PHF12: variants seen among roughly 807,000 people sequenced by gnomAD.
PHF12 encodes PHD factor 1.
In PHF12, 6 loss-of-function variants were observed where a neutral mutation model predicts 99.8. The ratio of observed to expected loss-of-function variants is 0.06; its 90% CI spans 0.03 to 0.12. PHF12 has a LOEUF of 0.12. Ranked by LOEUF, PHF12 falls within the 10% of genes least tolerant of loss-of-function variation. The pLI is 1.00. For missense variants in PHF12, 954 were observed against 1,300.1 expected, an observed-to-expected ratio of 0.73 and a Z score of 4.09; for synonymous variants, 480 against 514.9, an observed-to-expected ratio of 0.93 and a Z score of 0.92.
intron 10 of PHF12, 72 bp from the exon 11 acceptor site, chr17:28,910,441 A>G: frequency 6.7e-7 from 1 of 1,500,906 alleles, no homozygotes; most frequent in Non-Finnish European, 9.0e-7. Flanking sequence ...TCAGGGTCAC[A>G]GAGCAAATAG....
At chr17:28,914,080 C>T (rs1178804725) in intron 7 of PHF12, 43 bp from the exon 8 acceptor site, 1 of 1,549,080 alleles carries the variant, frequency 6.5e-7, no homozygotes, top group Non-Finnish European at 8.8e-7. Flanking sequence ...GGAGATAGTT[C>T]CAACATGTCT....
At chr17:28,913,322 G>C (rs1259655970) in intron 8 of PHF12, 45 bp from the exon 9 acceptor site, 8 of 1,557,632 alleles carry the variant, frequency 5.1e-6, no homozygotes, top group Non-Finnish European at 6.9e-6. Context: ...CCTGAGAGGC[G>C]CCGGTCCTTC....
chr17:28,948,169 C>T (rs2040749877), intron 2 of PHF12, among the ~76,000 whole-genome samples: 1 of 152,222 alleles, frequency 6.6e-6, no homozygotes, highest in South Asian at 2.1e-4. Context: ...CAAATTCTCA[C>T]TCAACATGCA....
chr17:28,939,725 T>C (rs1367743020), intron 2 of PHF12, among the ~76,000 whole-genome samples: 1 of 152,190 alleles, frequency 6.6e-6, no homozygotes, highest in Admixed American at 6.5e-5. Flanking sequence ...AGAAAAATAA[T>C]ATTCAACATC....
chr17:28,921,365 C>G (rs941272918), intron 5 of PHF12, among the ~76,000 whole-genome samples: 1 of 152,130 alleles, frequency 6.6e-6, no homozygotes, highest in Non-Finnish European at 1.5e-5. Flanking sequence ...CAAGGTTTCA[C>G]TGTGTTGCCC....
In PHF12 at chr17:28,950,729, G is replaced by A. The variant is rs2040795123; in HGVS notation, c.66+166C>T. On this transcript the variant is annotated intron_variant, in intron 1 of 14. Coordinates refer to ENST00000332830, the MANE Select transcript of PHF12 (RefSeq NM_001033561.2). This position sits in a 1 kb window ranked among gnomAD's most constrained non-coding sequence, Gnocchi z 5.7. The stretch of plus-strand genomic sequence containing the variant: ...ACTGCTGCAAACGTCCTCGGAGGCT[G>A]AGCTCAGCCCCCTAAATTGCAAAGA... The A allele has an allele frequency of 9.9e-7, 1 of 1,005,114 alleles. No homozygotes were observed. 62.3% of individuals were successfully genotyped at this position (1,005,114 alleles called of 1,614,324 possible). A position where few individuals can be genotyped will look rare whatever the true frequency, so the allele number is the denominator to read the frequency against.
intron 10 of PHF12, 39 bp downstream of exon 10, chr17:28,911,073 C>A (rs774825137): frequency 1.1e-5 from 18 of 1,613,168 alleles, no homozygotes; most frequent in Non-Finnish European, 1.5e-5. Flanking sequence ...GCACCTTCAA[C>A]ATAGCAAACG....
chr17:28,923,651 C>CAAAAAAAAAAAAAAG (rs1491183033), intron 4 of PHF12, among the ~76,000 whole-genome samples: 1 of 21,958 alleles, frequency 4.6e-5, no homozygotes, highest in African/African-American at 2.3e-4. Context: ...AAGTGAGACT[C>CAAAAAAAAAAAAAAG]ACAAAAAAAA....
At chr17:28,910,995 C>A in intron 10 of PHF12, 117 bp downstream of exon 10, 1 of 1,451,468 alleles carries the variant, frequency 6.9e-7, no homozygotes, top group Non-Finnish European at 9.4e-7. Context: ...CCCATCTCCC[C>A]CTAGGCCTCT....
At chr17:28,910,473 C>T (rs1039136632) in intron 10 of PHF12, 104 bp from the exon 11 acceptor site, 1 of 1,362,900 alleles carries the variant, frequency 7.3e-7, no homozygotes, top group South Asian at 1.4e-5. Context: ...TAAAATCCAG[C>T]CAAGTGATTT....
rs764914317 is a variant in PHF12 at position 28,913,257 on chromosome 17, C to T, written c.1314G>A (p.Ala438=). The T allele has an allele frequency of 9.3e-6, 15 of 1,611,294 alleles. No homozygotes were observed. The highest frequency in any genetic ancestry group is 7.7e-5 in the South Asian group (7 of 90,750). ...EQQEWLCSVV[A]LQCSILKHLS... is the part of the protein sequence containing the mutation. ...AATGTTTCAATATGCTGCACTGGAG[C>T]GCAACAACACTACAGAGCCACTGCA... The change falls in exon 9 of 15, where the codon GCG becomes GCA. Residue 438 remains alanine, a synonymous_variant. Transcript: ENST00000332830.
rs946917403 is a variant in PHF12, at chr17:28,949,724, A to C, written c.248+341T>G. 2.0e-5 allele frequency: 4 copies of C among 197,458 alleles called. No homozygotes were observed. The highest frequency in any genetic ancestry group is 7.0e-5 in the African/African-American group (3 of 42,996). The allele number at this position is 197,458 out of a possible 1,614,324, so 12.2% of individuals were successfully genotyped here. On this transcript the variant is annotated intron_variant, in intron 2 of 14. Coordinates refer to ENST00000332830, the MANE Select transcript of PHF12 (RefSeq NM_001033561.2). This position sits in a 1 kb window ranked among gnomAD's most constrained non-coding sequence, Gnocchi z 4.6. ...GAGGGCAGCGGGCGCGCGGGCAGGC[A>C]AGCGGCACTGGGCCCGGAGCTCCTC...
rs2040000622 is a variant in PHF12, at chr17:28,913,246, C to T, written c.1325G>A (p.Ser442Asn). Residue 442 changes from serine to asparagine, a missense_variant, in exon 9 of 15, where the codon AGC becomes AAC. Physicochemically the swap from Ser to Asn is conservative, Grantham distance 46. This residue lies in a region of PHF12 where 392 missense variants were observed against 423.1 expected (regional missense o/e 0.93). Transcript: ENST00000332830. ...WLCSVVALQC[S>N]ILKHLSAKQM... is the part of the protein sequence containing the mutation. Reference sequence around the variant, plus strand: ...CTTAGCAGATAAATGTTTCAATATGCTGCACTGGAGCGCAACAACACTACA... The same window carrying T: ...CTTAGCAGATAAATGTTTCAATATGTTGCACTGGAGCGCAACAACACTACA... 2 of 1,613,418 alleles carry T rather than the reference C, an allele frequency of 1.2e-6. No individual in the cohort carries two copies. Among genetic ancestry groups the T allele is most frequent in the East Asian group, 4.5e-5 (2 of 44,882 alleles).
chr17:28,919,164 C>A lies in PHF12; in HGVS notation c.948G>T (p.Pro316=). The change falls in exon 6 of 15, where the codon CCG becomes CCT. Residue 316 remains proline, a synonymous_variant. Coordinates refer to ENST00000332830, the MANE Select transcript of PHF12 (RefSeq NM_001033561.2). ...TAMPLGRWMC[P]NHIEHVVLNQ... is the part of the protein sequence containing the mutation. The stretch of plus-strand genomic sequence containing the variant: ...TTACCACCACATGTTCGATGTGATT[C>A]GGACACATCCATCTGCCCAGGGGCA... 6.2e-7 allele frequency: 1 copy of A among 1,614,138 alleles called. No individual in the cohort carries two copies.
chr17:28,938,519 C>T (rs920900142), intron 2 of PHF12, among the ~76,000 whole-genome samples: 6 of 152,204 alleles, frequency 3.9e-5, no homozygotes, highest in African/African-American at 1.4e-4. Context: ...TGAGCCACCG[C>T]ACCCAGCCTG....
At chr17:28,908,996 A>G (rs947447979) in intron 11 of PHF12, 115 bp from the exon 12 acceptor site, 3 of 963,642 alleles carry the variant, frequency 3.1e-6, no homozygotes, top group African/African-American at 3.3e-5. Flanking sequence ...CCGCTGGATG[A>G]CTCATCTTTC....
intron 12 of PHF12, 57 bp downstream of exon 12, chr17:28,908,726 G>A: frequency 6.4e-7 from 1 of 1,550,744 alleles, no homozygotes; most frequent in Non-Finnish European, 8.9e-7. Context: ...GGGTAAGGGT[G>A]TCAGTCTTTA....
chr17:28,913,821 A>G, intron 8 of PHF12, 58 bp downstream of exon 8: 2 of 1,558,368 alleles, frequency 1.3e-6, no homozygotes, highest in Non-Finnish European at 1.7e-6. Flanking sequence ...TTCTGATAAC[A>G]GCTGTGGTGA....
chr17:28,912,053 G>T, intron 9 of PHF12: 1 of 979,670 alleles, frequency 1.0e-6, no homozygotes, highest in Non-Finnish European at 1.2e-6. Context: ...ATATGCATCA[G>T]GCATGAATCC....
Sources: gnomAD v4.1 joint callset for allele counts (sites outside exome capture counted in the v4.1 genomes callset) on GRCh38, gnomAD v4.1.1 for gene constraint, gnomAD v4.1.1 regional missense constraint, Gnocchi (gnomAD v3.1) non-coding constraint, MANE v1.5 for transcripts, NCBI Gene and HGNC (gene_info 2026-07-23, HGNC 2026-07-21) for gene names.